The following SLC12A8 variants were observed in gnomAD, a reference collection of about 807,000 sequenced individuals.
SLC12A8 encodes the protein solute carrier family 12 member 8.
SLC12A8 carries 69 observed loss-of-function variants against 75.6 expected under a neutral mutation model. The observed-to-expected ratio is 0.91, with a 90% CI of 0.75 to 1.11. The LOEUF (loss-of-function observed/expected upper bound fraction) is 1.11. SLC12A8 is among the 50% of genes most tolerant of loss of function. SLC12A8 has a pLI of 0.00. For missense variants in SLC12A8, 877 were observed against 896.7 expected, an observed-to-expected ratio of 0.98 and a Z score of 0.28; for synonymous variants, 365 against 372.8, an observed-to-expected ratio of 0.98 and a Z score of 0.24.
At chr3:125,188,348 T>G (rs1934837899) in intron 3 of SLC12A8, among the ~76,000 whole-genome samples, 3 of 152,340 alleles carry the variant, frequency 2.0e-5, no homozygotes, top group Admixed American at 2.0e-4. Flanking sequence ...GTGAGCTAAA[T>G]AAACCTCTTT....
chr3:125,208,747 TACAC>T (rs61130966), intron 2 of SLC12A8, among the ~76,000 whole-genome samples: 13,135 of 86,138 alleles, frequency 0.15, 1,005 homozygotes, highest in African/African-American at 0.21. Context: ...CTGACCAATC[TACAC>T]ACACACACAC....
chr3:125,087,996 G>A (rs977381117), intron 13 of SLC12A8: 1 of 355,630 alleles, frequency 2.8e-6, no homozygotes, highest in Non-Finnish European at 5.2e-6. Context: ...ATGTGTCTTA[G>A]ACTGTAAACT....
chr3:125,118,232 G>GAT (rs1159375607), intron 8 of SLC12A8, among the ~76,000 whole-genome samples: 1 of 152,086 alleles, frequency 6.6e-6, no homozygotes, highest in Non-Finnish European at 1.5e-5. Context: ...AATCCCTCTG[G>GAT]GCATCATTAT....
intron 4 of SLC12A8, 136 bp from the exon 5 acceptor site, chr3:125,178,110 T>C (rs1934580186): frequency 1.4e-6 from 1 of 732,708 alleles, no homozygotes; most frequent in Non-Finnish European, 2.3e-6. Context: ...CTGGGACCAG[T>C]GCAGGGTTAA....
At chr3:125,106,490 G>A (rs984621761) in intron 10 of SLC12A8, among the ~76,000 whole-genome samples, 6 of 151,980 alleles carry the variant, frequency 3.9e-5, no homozygotes, top group Non-Finnish European at 7.4e-5. Flanking sequence ...TGCAACCTCC[G>A]CCTCCTGGGT....
At chr3:125,177,218 C>T (rs1429950648) in intron 5 of SLC12A8, among the ~76,000 whole-genome samples, 224 of 150,608 alleles carry the variant, frequency 1.5e-3, no homozygotes, top group Non-Finnish European at 2.3e-3. Context: ...AGCAAACTAT[C>T]GCAAGGACAA....
intron 1 of SLC12A8, 136 bp from the exon 2 acceptor site, chr3:125,211,530 C>T (rs1935337144): frequency 1.6e-6 from 1 of 640,250 alleles, no homozygotes. Context: ...TCTACCTCAT[C>T]TGGAAACTTG....
rs141674390 is a variant in SLC12A8, at chr3:125,156,159, G to A, written c.623-20377C>T. Among the ~76,000 whole-genome samples, 1,024 of 152,362 alleles carry A rather than the reference G, an allele frequency of 6.7e-3. 13 individuals are homozygous for A. Among genetic ancestry groups the A allele is most frequent in the African/African-American group, 0.023 (944 of 41,586 alleles). ...GATGAGGGAGTGTGCCATCCAATGGGAGAGGCCATGTGTGGAAAAGGACTA... is the reference window on the plus strand; with the variant it reads ...GATGAGGGAGTGTGCCATCCAATGGAAGAGGCCATGTGTGGAAAAGGACTA... On this transcript the variant is annotated intron_variant, in intron 5 of 13. Coordinates refer to ENST00000469902, the MANE Select transcript of SLC12A8 (RefSeq NM_024628.6).
chr3:125,169,307 T>A (rs1934356767), intron 5 of SLC12A8, among the ~76,000 whole-genome samples: 1 of 152,160 alleles, frequency 6.6e-6, no homozygotes, highest in Admixed American at 6.5e-5. Context: ...GTGAAGAAGC[T>A]CTGTGTCTTC....
chr3:125,098,949 G>A (rs1938791391), intron 10 of SLC12A8, among the ~76,000 whole-genome samples: 1 of 152,174 alleles, frequency 6.6e-6, no homozygotes, highest in African/African-American at 2.4e-5. Flanking sequence ...AATTTAATGG[G>A]GAGATCCTGG....
At chr3:125,172,048 C>A (rs1033617364) in intron 5 of SLC12A8, among the ~76,000 whole-genome samples, 1 of 152,010 alleles carries the variant, frequency 6.6e-6, no homozygotes, top group African/African-American at 2.4e-5. Flanking sequence ...CAGAGGCAGG[C>A]GGATCACCTG....
intron 10 of SLC12A8, among the ~76,000 whole-genome samples, chr3:125,093,680 T>C (rs1378819752): frequency 6.6e-6 from 1 of 152,224 alleles, no homozygotes; most frequent in Non-Finnish European, 1.5e-5. Flanking sequence ...CTTATTTACA[T>C]GTTTCTATGC....
intron 6 of SLC12A8, among the ~76,000 whole-genome samples, chr3:125,129,654 G>A (rs1399797057): frequency 1.3e-5 from 2 of 152,174 alleles, no homozygotes; most frequent in African/African-American, 4.8e-5. Flanking sequence ...CTCTCTCCTC[G>A]CCACAGTCTG....
At chr3:125,159,678 C>T (rs749687870) in intron 5 of SLC12A8, among the ~76,000 whole-genome samples, 7 of 152,176 alleles carry the variant, frequency 4.6e-5, no homozygotes, top group Non-Finnish European at 7.4e-5. Context: ...CGTGAGCCAC[C>T]AGCCCCCAGG....
chr3:125,145,901 C>T (rs1366633731), intron 5 of SLC12A8, among the ~76,000 whole-genome samples: 2 of 152,216 alleles, frequency 1.3e-5, no homozygotes, highest in Admixed American at 6.5e-5. Flanking sequence ...GATCACGGCT[C>T]ACTGCAGCCT....
rs182887928 is a variant in SLC12A8 at position 125,190,437 on chromosome 3, A to T, written c.136T>A (p.Phe46Ile). 1.4e-5 allele frequency: 22 copies of T among 1,614,202 alleles called. No individual in the cohort carries two copies. The Admixed American group carries it at 3.7e-4, about 27-fold the overall frequency. ...AAGATGTTGATCATGCAGGATGTGA[A>T]CACACCATCCCAGGTCCCAAACAGC... ...PVLFGTWDGV[F>I]TSCMINIFGV... The change falls in exon 3 of 14, where the codon TTC becomes ATC. Residue 46 changes from phenylalanine (F) to isoleucine (I), a missense_variant. Transcript: ENST00000469902.
At chr3:125,209,997 A>G (rs1935304499) in intron 2 of SLC12A8, among the ~76,000 whole-genome samples, 1 of 152,180 alleles carries the variant, frequency 6.6e-6, no homozygotes, top group South Asian at 2.1e-4. Flanking sequence ...TAAATCATGA[A>G]CACCAAAGGC....
chr3:125,088,271 A>T lies in SLC12A8; in HGVS notation c.1982+39T>A, dbSNP rs767227674. The T allele has an allele frequency of 5.0e-6, 8 of 1,603,386 alleles. No homozygotes were observed. The East Asian group carries it at 1.3e-4, about 27-fold the overall frequency. The stretch of plus-strand genomic sequence containing the variant: ...CTTGGCACCTCCCAGGACTCTGGAC[A>T]CTCATCCATTCTGGTACTGGCTCCA... On this transcript the variant is annotated intron_variant, in intron 13 of 13. Coordinates refer to ENST00000469902, the MANE Select transcript of SLC12A8 (RefSeq NM_024628.6).
At chr3:125,095,024 C>T (rs769081197) in intron 10 of SLC12A8, among the ~76,000 whole-genome samples, 14 of 152,196 alleles carry the variant, frequency 9.2e-5, no homozygotes, top group Admixed American at 3.3e-4. Context: ...CTCCTCCTTC[C>T]AACCTGAAAA....
Sources: gnomAD v4.1 joint callset for allele counts (sites outside exome capture counted in the v4.1 genomes callset) on GRCh38, gnomAD v4.1.1 for gene constraint, MANE v1.5 for transcripts, NCBI Gene and HGNC (gene_info 2026-07-23, HGNC 2026-07-21) for gene names.